The following NLRP5 variants were observed in gnomAD, a reference collection of about 807,000 sequenced individuals.
The protein encoded by NLRP5 is NLR family pyrin domain containing 5, also known as NACHT, LRR and PYD domains-containing protein 5.
In NLRP5, 93 loss-of-function variants were observed where a neutral mutation model predicts 113.1. That is an observed-to-expected ratio of 0.82 (90% confidence interval 0.70 to 0.98). NLRP5 has a LOEUF of 0.98. Among genes scored for constraint, NLRP5 ranks in the 50% least tolerant of loss-of-function variants. The pLI, the probability that NLRP5 is intolerant of heterozygous loss-of-function variation, is 0.00. For synonymous variants in NLRP5, 751 were observed against 600.7 expected (o/e 1.25, Z -3.66); for missense variants, 1,808 against 1,514.3 (o/e 1.19, Z -3.22).
At position 56,033,594 on chromosome 19, in the gene NLRP5, A is replaced by T; in HGVS notation, c.2500A>T (p.Met834Leu). 6.2e-7 allele frequency: 1 copy of T among 1,613,872 alleles called. No homozygotes were observed. The highest frequency in any genetic ancestry group is 8.5e-7 in the Non-Finnish European group (1 of 1,179,770). ...TGTGCAGCACCTCTGGAGAATCGTCATGGCCAACCGTAACCTAAGATCCCT... is the reference window on the plus strand; with the variant it reads ...TGTGCAGCACCTCTGGAGAATCGTCTTGGCCAACCGTAACCTAAGATCCCT... Residue 834 changes from methionine to leucine, a missense_variant, in exon 9 of 15, where the codon ATG becomes TTG. Coordinates refer to ENST00000390649, the MANE Select transcript of NLRP5 (RefSeq NM_153447.4).
chr19:55,992,397 T>C, the NLRP5 span, among the ~76,000 whole-genome samples: 1 of 152,186 alleles, frequency 6.6e-6, no homozygotes, highest in African/African-American at 2.4e-5. Context: ...AGTGATGGGA[T>C]GGCTGGGTCC....
chr19:56,026,388 C>T (rs565405521), intron 6 of NLRP5, among the ~76,000 whole-genome samples: 37 of 151,280 alleles, frequency 2.4e-4, no homozygotes, highest in African/African-American at 7.3e-4. Flanking sequence ...ATTAGCTGGG[C>T]GTGGTGGCAG....
chr19:56,027,241 C>T lies in NLRP5; in HGVS notation c.1008C>T (p.Ile336=), dbSNP rs750615349. ...AGGAGAGCAGTGTCACAGAGTTCAT[C>T]TCCAGGGAGTGGCCAGACTCCCAGG... Residue 336 remains isoleucine, a synonymous_variant, in exon 7 of 15, where the codon ATC becomes ATT. Coordinates refer to ENST00000390649, the MANE Select transcript of NLRP5 (RefSeq NM_153447.4). 1.1e-4 allele frequency: 179 copies of T among 1,612,630 alleles called. 3 individuals are homozygous for T. In the South Asian group the frequency reaches 1.9e-3, roughly 17 times the overall value.
At chr19:56,005,404 TAC>T (rs1981849804) in intron 2 of NLRP5, among the ~76,000 whole-genome samples, 1 of 148,664 alleles carries the variant, frequency 6.7e-6, no homozygotes, top group Non-Finnish European at 1.5e-5. Flanking sequence ...CACACACATA[TAC>T]ACATATATTT....
chr19:56,005,107 A>AAAAAAAAAAAATATATATATATATAT (rs1173746273), intron 2 of NLRP5, among the ~76,000 whole-genome samples: 1 of 95,344 alleles, frequency 1.0e-5, no homozygotes, highest in African/African-American at 3.9e-5. Flanking sequence ...AAAAAAAAAA[A>AAAAAAAAAAAATATATATATATATAT]ATATATATAT....
chr19:56,015,804 T>C lies in NLRP5; in HGVS notation c.565+6T>C. On this transcript the variant is annotated splice_donor_region_variant and intron_variant, in intron 4 of 14. Transcript: ENST00000390649. ...TGCAGAGACAAAAGAACAAGGTGAA[T>C]GAAATAGATCTATTCATTTGTTGCC... 1 of 1,560,884 alleles carries C rather than the reference T, an allele frequency of 6.4e-7. No homozygotes were observed. The highest frequency in any genetic ancestry group is 8.7e-7 in the Non-Finnish European group (1 of 1,152,032).
At chr19:56,008,415 C>T (rs935938346) in intron 2 of NLRP5, among the ~76,000 whole-genome samples, 2 of 152,030 alleles carry the variant, frequency 1.3e-5, no homozygotes, top group Non-Finnish European at 2.9e-5. Flanking sequence ...TTGAAGGTAC[C>T]TGTATTTGGG....
upstream of NLRP5, among the ~76,000 whole-genome samples, chr19:55,998,702 A>ATATATG (rs1981450998): frequency 6.8e-5 from 5 of 73,740 alleles, no homozygotes; most frequent in South Asian, 1.3e-3. Context: ...ATATATATAT[A>ATATATG]TGTGTGTGTG....
At chr19:56,013,518 A>C (rs929140821) in intron 3 of NLRP5, among the ~76,000 whole-genome samples, 1 of 148,722 alleles carries the variant, frequency 6.7e-6, no homozygotes, top group East Asian at 2.0e-4. Context: ...TCAGGACTTC[A>C]TAACTTTTTA....
intron 14 of NLRP5, among the ~76,000 whole-genome samples, chr19:56,059,460 G>C (rs960664585): frequency 1.3e-5 from 2 of 152,194 alleles, no homozygotes; most frequent in South Asian, 4.1e-4. Context: ...CTTGAAGGGA[G>C]TAAAATCTTG....
At position 56,038,171 on chromosome 19, in the gene NLRP5, C is replaced by T; in HGVS notation, c.2762C>T (p.Ser921Phe). 2 of 1,613,896 alleles carry T rather than the reference C, an allele frequency of 1.2e-6. No individual in the cohort carries two copies. Among genetic ancestry groups the T allele is most frequent in the Non-Finnish European group, 8.5e-7 (1 of 1,179,840 alleles). Residue 921 changes from serine to phenylalanine, a missense_variant, in exon 10 of 15, where the codon TCC (serine) becomes TTC (phenylalanine). Coordinates refer to ENST00000390649, the MANE Select transcript of NLRP5 (RefSeq NM_153447.4). ...CCTCTCAGTGATGCCTTGAGAGTCT[C>T]CCAGTGCGCCCTGCAGAAGCTGATG... is the stretch of plus-strand genomic sequence containing the variant.
At position 56,027,393 on chromosome 19, in the gene NLRP5, C is replaced by T. The variant is rs1430475861; in HGVS notation, c.1160C>T (p.Pro387Leu). 6.2e-6 allele frequency: 10 copies of T among 1,613,468 alleles called. No homozygotes were observed. Among genetic ancestry groups the T allele is most frequent in the African/African-American group, 2.7e-5 (2 of 75,062 alleles). The change falls in exon 7 of 15, where the codon CCG becomes CTG. Residue 387 changes from proline to leucine, a missense_variant. Coordinates refer to ENST00000390649, the MANE Select transcript of NLRP5 (RefSeq NM_153447.4). ...AAAGACTGGGCTGAGAAGCAGCCTC[C>T]GTTCACCCTCATACGCAGTCTGCTG...
intron 12 of NLRP5, among the ~76,000 whole-genome samples, chr19:56,052,859 C>G (rs1006465090): frequency 5.9e-5 from 9 of 152,208 alleles, no homozygotes; most frequent in Non-Finnish European, 1.3e-4. Context: ...CAGAATCTTT[C>G]CAGTTTCTCC....
intron 4 of NLRP5, among the ~76,000 whole-genome samples, chr19:56,016,606 C>T (rs1280364010): frequency 6.6e-6 from 1 of 152,198 alleles, no homozygotes; most frequent in Non-Finnish European, 1.5e-5. Context: ...CTTTCCCGGT[C>T]CACTCTCTGC....
intron 6 of NLRP5, among the ~76,000 whole-genome samples, chr19:56,021,822 T>C (rs1321841649): frequency 2.0e-5 from 3 of 152,100 alleles, no homozygotes; most frequent in East Asian, 1.9e-4. Flanking sequence ...TTGACTAGCA[T>C]GAGATATTGA....
In NLRP5 at chr19:56,053,788, C is replaced by T. The variant is rs34819797; in HGVS notation, c.3279C>T (p.Asn1093=). 3.5e-3 allele frequency: 5,598 copies of T among 1,613,882 alleles called. 166 individuals carry two copies. The African/African-American group carries it at 0.065, about 19-fold the overall frequency. ...TGTGCGAGGGACTGAAGCAAAAGAACAGTGTTCTGGCGAGACTCGGGTAAC... is the reference window on the plus strand; with the variant it reads ...TGTGCGAGGGACTGAAGCAAAAGAATAGTGTTCTGGCGAGACTCGGGTAAC... Residue 1093 remains asparagine, a synonymous_variant, in exon 13 of 15, where the codon AAC becomes AAT. Transcript: ENST00000390649.
rs1404611150 is a variant in NLRP5, at chr19:56,033,562, C to T, written c.2468C>T (p.Thr823Ile). ...TGCAGGTTTAGAAATGCACAGATTACCCCTGGTGTGCAGCACCTCTGGAGA... is the reference window on the plus strand; with the variant it reads ...TGCAGGTTTAGAAATGCACAGATTATCCCTGGTGTGCAGCACCTCTGGAGA... Residue 823 changes from threonine to isoleucine, a missense_variant, in exon 9 of 15, where the codon ACC becomes ATC. By Grantham distance (89) the Thr-to-Ile change is moderately conservative. Transcript: ENST00000390649. 6 of 1,613,372 alleles carry T rather than the reference C, an allele frequency of 3.7e-6. No homozygotes were observed. The highest frequency in any genetic ancestry group is 4.2e-6 in the Non-Finnish European group (5 of 1,179,538).
chr19:56,044,949 G>A (rs903501737), intron 11 of NLRP5, among the ~76,000 whole-genome samples: 1 of 152,088 alleles, frequency 6.6e-6, no homozygotes. Flanking sequence ...TTCCCAAGTT[G>A]TGTTGTGTTG....
chr19:56,041,156 C>G, intron 11 of NLRP5, 64 bp downstream of exon 11: 1 of 1,536,292 alleles, frequency 6.5e-7, no homozygotes, highest in Non-Finnish European at 8.9e-7. Context: ...GTGTAGCTCT[C>G]AAAGCAGAAG....
Sources: gnomAD v4.1 joint callset for allele counts (sites outside exome capture counted in the v4.1 genomes callset) on GRCh38, gnomAD v4.1.1 for gene constraint, MANE v1.5 for transcripts, NCBI Gene and HGNC (gene_info 2026-07-23, HGNC 2026-07-21) for gene names.